Variants in PODXL observed in about 807,000 individuals in gnomAD.
The protein encoded by PODXL is podocalyxin.
PODXL carries 20 observed loss-of-function variants against 48.9 expected under a neutral mutation model. The ratio of observed to expected loss-of-function variants is 0.41; its 90% CI spans 0.29 to 0.59. PODXL has a LOEUF of 0.59. Among genes scored for constraint, PODXL ranks in the 20% least tolerant of loss-of-function variants. The pLI, the probability that PODXL is intolerant of heterozygous loss-of-function variation, is 0.31. For synonymous variants in PODXL, 295 were observed against 287.4 expected (o/e 1.03, Z -0.27); for missense variants, 606 against 675.1 (o/e 0.90, Z 1.13).
rs138058684 is a variant in PODXL, at chr7:131,536,652, C to T, written c.100+19608G>A. Among the ~76,000 whole-genome samples, 1,062 of 152,252 alleles carry T rather than the reference C, an allele frequency of 7.0e-3. 11 individuals carry two copies. The highest frequency in any genetic ancestry group is 0.024 in the African/African-American group (1,003 of 41,534). On this transcript the variant is annotated intron_variant, in intron 1 of 8. Transcript: ENST00000378555. ...TCTCCCTGCTGGTTCCTGTCCCCAG[C>T]GCCCCTCCCCCTGGGAGGCTCACCT...
chr7:131,544,660 CACGCACGCCCT>C (rs1798542203), intron 1 of PODXL, among the ~76,000 whole-genome samples: 1 of 136,346 alleles, frequency 7.3e-6, no homozygotes, highest in Admixed American at 6.9e-5. Flanking sequence ...CTGTACTACG[CACGCACGCCCT>C]GTACTACGCT....
At chr7:131,537,266 T>C (rs927191554) in intron 1 of PODXL, among the ~76,000 whole-genome samples, 2 of 151,600 alleles carry the variant, frequency 1.3e-5, no homozygotes, top group African/African-American at 4.9e-5. Flanking sequence ...GAGCCATCAT[T>C]GCAACACTGC....
intron 5 of PODXL, among the ~76,000 whole-genome samples, chr7:131,507,690 A>C (rs367961910): frequency 1.1e-5 from 1 of 90,326 alleles, no homozygotes; most frequent in Non-Finnish European, 2.4e-5. Flanking sequence ...AAAGTGTCTC[A>C]CAACAATCAC....
chr7:131,506,660 G>A lies in PODXL; in HGVS notation c.1168C>T (p.Pro390Ser). 1 of 1,614,192 alleles carries A rather than the reference G, an allele frequency of 6.2e-7. No homozygotes were observed. The highest frequency in any genetic ancestry group is 8.5e-7 in the Non-Finnish European group (1 of 1,180,022). ...CGTATGCCGCACTTATCTTGGGCCG[G>A]GTTGAAGGTGGCTTTGACTGCTCGG... ...ICRAVKATFNPAQDKCGIRLA... is the reference protein window; with the variant it reads ...ICRAVKATFNSAQDKCGIRLA... Residue 390 changes from proline (P) to serine (S), a missense_variant, in exon 6 of 9, where the codon CCG (proline) becomes TCG (serine). Transcript: ENST00000378555.
chr7:131,532,263 G>A (rs574109114), intron 1 of PODXL, among the ~76,000 whole-genome samples: 59 of 149,328 alleles, frequency 4.0e-4, no homozygotes, highest in African/African-American at 1.2e-3. Flanking sequence ...GTGAAACCCC[G>A]TCTCTATTAA....
rs1797767601 is a variant in PODXL, at chr7:131,504,527, C to T, written c.1480-19G>A. ...GCCGCTGCTAGAGTGGGGAAGGTGACCGGTGAGAAGGGGGTTTCAGAGGGC... is the reference window on the plus strand; with the variant it reads ...GCCGCTGCTAGAGTGGGGAAGGTGATCGGTGAGAAGGGGGTTTCAGAGGGC... On this transcript the variant is annotated intron_variant, in intron 8 of 8. Transcript: ENST00000378555. The T allele has an allele frequency of 6.2e-7, 1 of 1,611,310 alleles. No individual in the cohort carries two copies. Among genetic ancestry groups the T allele is most frequent in the Non-Finnish European group, 8.5e-7 (1 of 1,177,482 alleles).
intron 3 of PODXL, among the ~76,000 whole-genome samples, chr7:131,509,986 A>T (rs947757410): frequency 3.9e-5 from 6 of 151,926 alleles, no homozygotes; most frequent in Non-Finnish European, 8.8e-5. Context: ...CGGAGCCCGC[A>T]CTCCTACTGT....
chr7:131,509,686 CT>C, intron 3 of PODXL, 101 bp from the exon 4 acceptor site: 2 of 779,018 alleles, frequency 2.6e-6, no homozygotes, highest in Non-Finnish European at 4.0e-6. Context: ...GTTCTTTGGT[CT>C]TACCTCCCAC....
At chr7:131,551,591 C>T (rs908545115) in intron 1 of PODXL, among the ~76,000 whole-genome samples, 1 of 152,178 alleles carries the variant, frequency 6.6e-6, no homozygotes, top group Non-Finnish European at 1.5e-5. Context: ...TACGTCCCCT[C>T]CTGAGAAGTC....
In PODXL at chr7:131,502,411, A is replaced by C. The variant is rs1301358744; in HGVS notation, c.*1900T>G. On this transcript the variant is annotated 3_prime_UTR_variant, in exon 9 of 9. Coordinates refer to ENST00000378555, the MANE Select transcript of PODXL (RefSeq NM_001018111.3). ...GGAAACTCGCTGGGGCCCTATGTGA[A>C]CCCCTGGCCTTCCTTTTCCCCTAGG... The C allele has an allele frequency of 6.6e-6, 1 of 152,200 alleles. No individual in the cohort carries two copies. The highest frequency in any genetic ancestry group is 1.5e-5 in the Non-Finnish European group (1 of 68,112). 9.4% of individuals were successfully genotyped at this position (152,200 alleles called of 1,614,324 possible).
chr7:131,553,089 C>T (rs1014308090), intron 1 of PODXL, among the ~76,000 whole-genome samples: 10 of 152,198 alleles, frequency 6.6e-5, no homozygotes, highest in South Asian at 4.2e-4. Context: ...ACCCTGCCAC[C>T]GTGGAATTTT....
At chr7:131,520,820 C>T (rs769459199) in intron 1 of PODXL, among the ~76,000 whole-genome samples, 3 of 152,208 alleles carry the variant, frequency 2.0e-5, no homozygotes, top group South Asian at 2.1e-4. Flanking sequence ...CTTCCAGTTT[C>T]AGCTAATGAG....
chr7:131,524,727 A>T (rs1460982422), intron 1 of PODXL, among the ~76,000 whole-genome samples: 1 of 152,218 alleles, frequency 6.6e-6, no homozygotes, highest in Non-Finnish European at 1.5e-5. Context: ...CAATTATTAT[A>T]TGACCCAGCA....
chr7:131,550,233 C>A (rs1438766312), intron 1 of PODXL, among the ~76,000 whole-genome samples: 2 of 152,244 alleles, frequency 1.3e-5, no homozygotes, highest in Non-Finnish European at 2.9e-5. Context: ...GCACAGTATT[C>A]CAGGCACCCT....
chr7:131,547,374 C>CAAAAAAAAAAA (rs10683140), intron 1 of PODXL, among the ~76,000 whole-genome samples: 1 of 68,972 alleles, frequency 1.4e-5, no homozygotes, highest in Admixed American at 2.2e-4. Context: ...AACTCCGTCT[C>CAAAAAAAAAAA]AAAAAAAAAA....
intron 1 of PODXL, among the ~76,000 whole-genome samples, chr7:131,526,280 G>T (rs1316177477): frequency 6.6e-6 from 1 of 152,192 alleles, no homozygotes. Context: ...CAACAGGAAA[G>T]AGCTCATAAT....
At chr7:131,531,478 T>C (rs1316280405) in intron 1 of PODXL, among the ~76,000 whole-genome samples, 1 of 152,186 alleles carries the variant, frequency 6.6e-6, no homozygotes, top group Non-Finnish European at 1.5e-5. Flanking sequence ...CTGCATGTGC[T>C]CAGGTGAACC....
At chr7:131,553,303 C>G (rs1461985940) in intron 1 of PODXL, among the ~76,000 whole-genome samples, 1 of 152,162 alleles carries the variant, frequency 6.6e-6, no homozygotes, top group Non-Finnish European at 1.5e-5. Context: ...TTCTCCAGAC[C>G]TCCAGACCAC....
rs200970679 is a variant in PODXL at position 131,508,999 on chromosome 7, T to C, written c.1053A>G (p.Thr351=). 8 of 1,614,030 alleles carry C rather than the reference T, an allele frequency of 5.0e-6. No homozygotes were observed. The highest frequency in any genetic ancestry group is 1.6e-4 in the Middle Eastern group (1 of 6,062). The change falls in exon 5 of 9, where the codon ACA becomes ACG. Residue 351 remains threonine (T), a synonymous_variant. Transcript: ENST00000378555. ...WAKCEDLETQ[T]QSEKQLVLNL... The stretch of plus-strand genomic sequence containing the variant: ...TCAGGACGAGCTGCTTCTCACTCTG[T>C]GTCTGTGTCTCAAGATCCTCACACT...
Sources: allele counts gnomAD v4.1 joint callset (sites outside exome capture counted in the v4.1 genomes callset), GRCh38; gene constraint gnomAD v4.1.1; transcripts MANE v1.5; gene names NCBI Gene and HGNC (gene_info 2026-07-23, HGNC 2026-07-21).